GALNT13: variants seen among roughly 807,000 people sequenced by gnomAD.
The protein encoded by GALNT13 is polypeptide N-acetylgalactosaminyltransferase 13.
GALNT13 carries 28 observed loss-of-function variants against 64.2 expected under a neutral mutation model. That is an observed-to-expected ratio of 0.44 (90% CI 0.32 to 0.60). The LOEUF is 0.60. Ranked by LOEUF, GALNT13 falls within the 20% of genes least tolerant of loss-of-function variation. GALNT13 has a pLI of 0.05. For synonymous variants in GALNT13, 214 were observed against 224.6 expected (o/e 0.95, Z 0.42); for missense variants, 577 against 669.8 (o/e 0.86, Z 1.53).
chr2:154,203,955 A>G (rs1687304837), intron 4 of GALNT13, among the ~76,000 whole-genome samples: 1 of 152,166 alleles, frequency 6.6e-6, no homozygotes, highest in Non-Finnish European at 1.5e-5. Flanking sequence ...GCTTTAAATA[A>G]GATGCAAAAT....
At chr2:153,425,371 A>T in the GALNT13 span, among the ~76,000 whole-genome samples, 8 of 151,904 alleles carry the variant, frequency 5.3e-5, no homozygotes, top group South Asian at 1.7e-3. Flanking sequence ...CTGCTTTAAC[A>T]TTCAGGTTCT....
the GALNT13 span, among the ~76,000 whole-genome samples, chr2:153,566,391 T>C: frequency 5.7e-5 from 8 of 140,846 alleles, no homozygotes; most frequent in Admixed American, 6.0e-4. Context: ...GTCTCGTTCT[T>C]TTGCCCAGGT....
chr2:153,731,708 C>T, the GALNT13 span, among the ~76,000 whole-genome samples: 25 of 151,796 alleles, frequency 1.6e-4, no homozygotes, highest in Non-Finnish European at 3.4e-4. Flanking sequence ...ACTAAGGTTT[C>T]AAGCGAAAAA....
At chr2:153,487,141 C>G in the GALNT13 span, among the ~76,000 whole-genome samples, 1 of 152,254 alleles carries the variant, frequency 6.6e-6, no homozygotes, top group African/African-American at 2.4e-5. Context: ...TCTACAATAC[C>G]ATGTTCAATT....
intron 9 of GALNT13, among the ~76,000 whole-genome samples, chr2:154,347,287 A>G (rs1336300260): frequency 6.6e-6 from 1 of 152,162 alleles, no homozygotes; most frequent in African/African-American, 2.4e-5. Context: ...TATATTGATT[A>G]TCAATTCATG....
At chr2:153,966,849 T>G (rs1693398869) in intron 3 of GALNT13, among the ~76,000 whole-genome samples, 1 of 152,142 alleles carries the variant, frequency 6.6e-6, no homozygotes, top group Admixed American at 6.5e-5. Flanking sequence ...TATATCCTCT[T>G]TAATAAAATA....
the GALNT13 span, among the ~76,000 whole-genome samples, chr2:153,450,105 T>C: frequency 1.3e-5 from 2 of 152,208 alleles, no homozygotes; most frequent in East Asian, 3.9e-4. Flanking sequence ...GTTCAGGGTT[T>C]AGAATGAATC....
chr2:154,396,086 T>A lies in GALNT13; in HGVS notation c.1252T>A (p.Tyr418Asn). 6.2e-7 allele frequency: 1 copy of A among 1,609,992 alleles called. No individual in the cohort carries two copies. Among genetic ancestry groups the A allele is most frequent in the Non-Finnish European group, 8.5e-7 (1 of 1,177,910 alleles). Residue 418 changes from tyrosine to asparagine, a missense_variant, in exon 10 of 13, where the codon TAT (tyrosine) becomes AAT (asparagine). By Grantham distance (143) the Tyr-to-Asn change is moderately radical. Around this residue, in one of 3 missense-constraint regions of GALNT13, gnomAD observed 232 missense variants for 270.6 expected, o/e 0.86. Transcript: ENST00000392825. ...CTTTTCTTGGTACCTAGAAAACATC[T>A]ATCCGGACTCCCAGATCCCAAGACG... ...KPFSWYLENIYPDSQIPRRYY... is the reference protein window; with the variant it reads ...KPFSWYLENINPDSQIPRRYY...
chr2:153,368,573 TAAA>T, the GALNT13 span, among the ~76,000 whole-genome samples: 2 of 152,010 alleles, frequency 1.3e-5, no homozygotes, highest in African/African-American at 4.8e-5. Context: ...TTATTAGGGA[TAAA>T]GAAGGTCATT....
chr2:153,240,838 G>T, the GALNT13 span, among the ~76,000 whole-genome samples: 1 of 152,110 alleles, frequency 6.6e-6, no homozygotes, highest in South Asian at 2.1e-4. Context: ...CTCCTGATTG[G>T]TTTGGGTCCT....
chr2:153,967,812 C>T (rs1344189899), intron 3 of GALNT13, among the ~76,000 whole-genome samples: 1 of 152,078 alleles, frequency 6.6e-6, no homozygotes, highest in African/African-American at 2.4e-5. Flanking sequence ...GATGGTGATT[C>T]CTGCTGAGAC....
At chr2:153,405,417 T>C in the GALNT13 span, among the ~76,000 whole-genome samples, 1 of 152,342 alleles carries the variant, frequency 6.6e-6, no homozygotes, top group African/African-American at 2.4e-5. Context: ...TTCATGCCTT[T>C]GCATCCATAG....
At chr2:154,166,497 G>A (rs2105684590) in intron 4 of GALNT13, among the ~76,000 whole-genome samples, 1 of 152,284 alleles carries the variant, frequency 6.6e-6, no homozygotes, top group African/African-American at 2.4e-5. Context: ...GAGAGGATGT[G>A]GAGAAATAGG....
intron 12 of GALNT13, among the ~76,000 whole-genome samples, chr2:154,444,818 T>C (rs1391334644): frequency 1.3e-5 from 2 of 152,058 alleles, no homozygotes; most frequent in Non-Finnish European, 2.9e-5. Flanking sequence ...TGGAAAGATA[T>C]TCCCTGCAAA....
chr2:153,483,546 A>G, the GALNT13 span, among the ~76,000 whole-genome samples: 2 of 149,454 alleles, frequency 1.3e-5, no homozygotes, highest in Non-Finnish European at 3.0e-5. Flanking sequence ...CTTCCTGAGT[A>G]GCTGGGATTA....
the GALNT13 span, among the ~76,000 whole-genome samples, chr2:153,307,107 T>C: frequency 6.6e-6 from 1 of 152,228 alleles, no homozygotes; most frequent in Admixed American, 6.5e-5. Context: ...GATTGTATGC[T>C]GGAGAACTTT....
the GALNT13 span, among the ~76,000 whole-genome samples, chr2:153,743,864 T>G: frequency 6.6e-6 from 1 of 152,118 alleles, no homozygotes; most frequent in Admixed American, 6.6e-5. Context: ...TTCTACTCTC[T>G]TTCTCCATAA....
chr2:154,226,708 C>T (rs1688636892), intron 4 of GALNT13, among the ~76,000 whole-genome samples: 1 of 152,132 alleles, frequency 6.6e-6, no homozygotes, highest in South Asian at 2.1e-4. Flanking sequence ...ACACACAAAA[C>T]TGATATTAAT....
the GALNT13 span, among the ~76,000 whole-genome samples, chr2:153,389,319 G>A: frequency 3.4e-3 from 513 of 152,172 alleles, 4 homozygotes; most frequent in African/African-American, 0.012. Context: ...GTTTGTTCAT[G>A]TTTCTCTTGC....
Sources: allele counts gnomAD v4.1 joint callset (sites outside exome capture counted in the v4.1 genomes callset), GRCh38; gene constraint gnomAD v4.1.1; regional missense constraint gnomAD v4.1.1; transcripts MANE v1.5; gene names NCBI Gene and HGNC (gene_info 2026-07-23, HGNC 2026-07-21).